The following SMIM31 variants were observed in gnomAD, a reference collection of about 807,000 sequenced individuals.
SMIM31 encodes the protein small integral membrane protein 31.
At chr4:164,786,208 T>C (rs1733023783) in intron 2 of SMIM31, among the ~76,000 whole-genome samples, 2 of 152,226 alleles carry the variant, frequency 1.3e-5, no homozygotes, top group Admixed American at 6.5e-5. Flanking sequence ...GGATGTTTGT[T>C]ATACTATTTG....
In SMIM31 at chr4:164,770,372, C is replaced by G. The variant is rs1732778340; in HGVS notation, c.-25-47C>G. On this transcript the variant is annotated intron_variant, in intron 1 of 2. Transcript: ENST00000507311. ...AAAATAAATCATTGCTGAGCAAGCTCTCTCTGGATTAGAGTATGCTGAGCC... is the reference window on the plus strand; with the variant it reads ...AAAATAAATCATTGCTGAGCAAGCTGTCTCTGGATTAGAGTATGCTGAGCC... The G allele has an allele frequency of 1.0e-5, 4 of 398,530 alleles. No individual in the cohort carries two copies. In the South Asian group the frequency reaches 3.9e-4, roughly 39 times the overall value. 24.7% of individuals were successfully genotyped at this position (398,530 alleles called of 1,614,324 possible).
At chr4:164,794,605 G>A (rs919762758) in intron 2 of SMIM31, among the ~76,000 whole-genome samples, 3 of 152,090 alleles carry the variant, frequency 2.0e-5, no homozygotes, top group African/African-American at 7.2e-5. Flanking sequence ...AAGAGATCAA[G>A]ACCATCCTGG....
At chr4:164,792,271 G>A (rs7687898) in intron 2 of SMIM31, among the ~76,000 whole-genome samples, 110,550 of 151,996 alleles carry the variant, frequency 0.73, 40,714 homozygotes, top group Non-Finnish European at 0.8. Flanking sequence ...CTAAAAAGGG[G>A]GAGATAATTG....
At chr4:164,757,665 C>T (rs1431352636) in intron 1 of SMIM31, among the ~76,000 whole-genome samples, 1 of 151,130 alleles carries the variant, frequency 6.6e-6, no homozygotes, top group African/African-American at 2.4e-5. Flanking sequence ...CCACTGTTTT[C>T]AAAAAAACAT....
intron 1 of SMIM31, among the ~76,000 whole-genome samples, chr4:164,755,600 C>T (rs1201356258): frequency 9.3e-6 from 1 of 107,874 alleles, no homozygotes; most frequent in African/African-American, 3.5e-5. Context: ...CTGTGGCCAG[C>T]ATTGTGTTGT....
At position 164,787,763 on chromosome 4, in the gene SMIM31, G is replaced by C. The variant is rs79091637; in HGVS notation, c.113-13328G>C. ...CATATGCACACTCTCATGTGCCCAA[G>C]GATATAGGCCTATTTTTCATCCTGT... On this transcript the variant is annotated intron_variant, in intron 2 of 2. Coordinates refer to ENST00000507311, the MANE Select transcript of SMIM31 (RefSeq NM_001352885.1). Among the ~76,000 whole-genome samples the C allele has an allele frequency of 8.2e-3, 1,246 of 152,068 alleles. 13 individuals carry two copies. The highest frequency in any genetic ancestry group is 0.028 in the African/African-American group (1,165 of 41,490).
At position 164,754,146 on chromosome 4, in the gene SMIM31, C is replaced by A. The variant is rs1307427325; in HGVS notation, c.-291C>A. ...ACAGTTTCCTGTTTCCTTCTTGATC[C>A]TTCACAAGGGAAGATTTTCTTTTTT... On this transcript the variant is annotated 5_prime_UTR_variant, in exon 1 of 3. Transcript: ENST00000507311. The A allele has an allele frequency of 1.3e-5, 2 of 152,164 alleles. No homozygotes were observed. The highest frequency in any genetic ancestry group is 4.8e-5 in the African/African-American group (2 of 41,428). The allele number at this position is 152,164 out of a possible 1,614,324, so 9.4% of individuals were successfully genotyped here. A position where few individuals can be genotyped will look rare whatever the true frequency, so the allele number is the denominator to read the frequency against.
chr4:164,783,585 T>TCTAAACGTCTGCCAATA (rs147560190), intron 2 of SMIM31, among the ~76,000 whole-genome samples: 29,498 of 150,382 alleles, frequency 0.2, 4,693 homozygotes, highest in African/African-American at 0.44. Context: ...AAATGAAATT[T>TCTAAACGTCTGCCAATA]CAGAAAACAG....
At chr4:164,784,537 A>C (rs910076720) in intron 2 of SMIM31, among the ~76,000 whole-genome samples, 3 of 152,234 alleles carry the variant, frequency 2.0e-5, no homozygotes, top group Non-Finnish European at 4.4e-5. Context: ...TATGAAAGGA[A>C]ATTCAGCACT....
intron 1 of SMIM31, among the ~76,000 whole-genome samples, chr4:164,768,069 C>CA (rs148153558): frequency 0.46 from 69,764 of 150,226 alleles, 17,081 homozygotes; most frequent in Admixed American, 0.55. Flanking sequence ...CTTGTCTCTA[C>CA]AAAAAAAATC....
chr4:164,788,732 C>T (rs558276185), intron 2 of SMIM31, among the ~76,000 whole-genome samples: 4 of 151,636 alleles, frequency 2.6e-5, no homozygotes, highest in South Asian at 2.1e-4. Flanking sequence ...GTGATCCGCC[C>T]GCCTCGGCCT....
At chr4:164,772,799 C>T (rs1177472395) in intron 2 of SMIM31, among the ~76,000 whole-genome samples, 1 of 151,230 alleles carries the variant, frequency 6.6e-6, no homozygotes, top group Non-Finnish European at 1.5e-5. Context: ...GGGATGGTCT[C>T]GATCTCCTGA....
intron 2 of SMIM31, among the ~76,000 whole-genome samples, chr4:164,771,622 A>T (rs1259257366): frequency 1.3e-5 from 2 of 151,924 alleles, no homozygotes; most frequent in Non-Finnish European, 2.9e-5. Flanking sequence ...TAACACAGTG[A>T]AACCCCGTCT....
chr4:164,797,140 C>T lies in SMIM31; in HGVS notation c.113-3951C>T, dbSNP rs777444269. 8.5e-4 allele frequency among the ~76,000 whole-genome samples: 129 copies of T among 152,310 alleles called. 1 individual carries two copies. The highest frequency in any genetic ancestry group is 1.5e-3 in the Non-Finnish European group (99 of 68,026). ...TCCCTCAAGTACTTACTCAATGTCG[C>T]CTTCTTAATAAGCTTTACGCTCACC... is the stretch of plus-strand genomic sequence containing the variant. On this transcript the variant is annotated intron_variant, in intron 2 of 2. Transcript: ENST00000507311.
chr4:164,794,903 TA>T (rs1477763960), intron 2 of SMIM31, among the ~76,000 whole-genome samples: 3 of 151,358 alleles, frequency 2.0e-5, no homozygotes, highest in African/African-American at 7.3e-5. Context: ...AAATATTTTT[TA>T]AAAAAATATT....
intron 2 of SMIM31, among the ~76,000 whole-genome samples, chr4:164,774,044 C>T (rs1316648879): frequency 1.3e-5 from 2 of 151,710 alleles, no homozygotes; most frequent in Non-Finnish European, 2.9e-5. Context: ...CGGGCCCCTG[C>T]AGTCCCAGCT....
chr4:164,802,927 T>C lies in SMIM31; in HGVS notation c.*1733T>C, dbSNP rs992387346. 15 of 152,196 alleles carry C rather than the reference T, an allele frequency of 9.9e-5. No homozygotes were observed. Among genetic ancestry groups the C allele is most frequent in the Non-Finnish European group, 2.9e-5 (2 of 68,042 alleles). 9.4% of individuals were successfully genotyped at this position (152,196 alleles called of 1,614,324 possible). ...TCTGGGTTTGAGTCTGCTCCAACCT[T>C]TCCTTATTATATGACCTTGGGCAAA... On this transcript the variant is annotated 3_prime_UTR_variant, in exon 3 of 3. Coordinates refer to ENST00000507311, the MANE Select transcript of SMIM31 (RefSeq NM_001352885.1).
rs1177636508 is a variant in SMIM31, at chr4:164,803,387, CCAGCCTGGGTG to C, written c.*2194_*2204del. On this transcript the variant is annotated 3_prime_UTR_variant, in exon 3 of 3. Coordinates refer to ENST00000507311, the MANE Select transcript of SMIM31 (RefSeq NM_001352885.1). ...TGGGAGTTTGAGGCTGCAGTGAGCT[CCAGCCTGGGTG>C]AAAGAGAAGACCCTATCTCAAAAAA... is the stretch of plus-strand genomic sequence containing the variant. The C allele has an allele frequency of 6.6e-6, 1 of 151,470 alleles. No homozygotes were observed. Among genetic ancestry groups the C allele is most frequent in the Non-Finnish European group, 1.5e-5 (1 of 67,980 alleles). 9.4% of individuals were successfully genotyped at this position (151,470 alleles called of 1,614,324 possible).
chr4:164,764,214 T>C (rs1732688584), intron 1 of SMIM31, among the ~76,000 whole-genome samples: 3 of 152,170 alleles, frequency 2.0e-5, no homozygotes, highest in South Asian at 2.1e-4. Context: ...GATTGCCCTA[T>C]ATGTTTTTTT....
Sources: allele counts gnomAD v4.1 joint callset (sites outside exome capture counted in the v4.1 genomes callset), GRCh38; gene constraint gnomAD v4.1.1; transcripts MANE v1.5; gene names NCBI Gene and HGNC (gene_info 2026-07-23, HGNC 2026-07-21).